The following RBFOX1 variants were observed in gnomAD, a reference collection of about 807,000 sequenced individuals.
The protein encoded by RBFOX1 is RNA binding fox-1 homolog 1, also known as RNA binding protein fox-1 homolog 1.
In RBFOX1, 8 loss-of-function variants were observed where a neutral mutation model predicts 57.7. That is an observed-to-expected ratio of 0.14 (90% CI 0.08 to 0.25). The LOEUF is 0.25. Among genes scored for constraint, RBFOX1 ranks in the 10% least tolerant of loss-of-function variants. RBFOX1 has a pLI of 1.00. For synonymous variants in RBFOX1, 326 were observed against 222.4 expected (o/e 1.47, Z -4.15); for missense variants, 611 against 548.5 (o/e 1.11, Z -1.14).
At chr16:5,917,154 C>A (rs958703402) in intron 4 of RBFOX1, among the ~76,000 whole-genome samples, 2 of 152,152 alleles carry the variant, frequency 1.3e-5, no homozygotes, top group African/African-American at 4.8e-5. Context: ...ACAACCGCTT[C>A]CTAAGCACCA....
intron 3 of RBFOX1, among the ~76,000 whole-genome samples, chr16:5,695,875 A>G (rs1156973027): frequency 6.6e-6 from 1 of 152,190 alleles, no homozygotes; most frequent in Non-Finnish European, 1.5e-5. Flanking sequence ...TTCACTATGC[A>G]TATATGTGTG....
intron 4 of RBFOX1, among the ~76,000 whole-genome samples, chr16:5,929,341 T>TCTGCCCACCACCC (rs2059000837): frequency 6.6e-6 from 1 of 152,110 alleles, no homozygotes; most frequent in Non-Finnish European, 1.5e-5. Flanking sequence ...TCTCTCTTTC[T>TCTGCCCACCACCC]CTGCCCACCA....
intron 1 of RBFOX1, among the ~76,000 whole-genome samples, chr16:5,314,013 A>G (rs779960085): frequency 6.6e-6 from 1 of 152,204 alleles, no homozygotes; most frequent in African/African-American, 2.4e-5. Flanking sequence ...TCCAAAGAAC[A>G]ACACGTAATA....
At chr16:6,788,473 TTTTA>T (rs1378253105) in intron 3 of RBFOX1, among the ~76,000 whole-genome samples, 2 of 151,600 alleles carry the variant, frequency 1.3e-5, no homozygotes, top group African/African-American at 4.8e-5. Context: ...TTTATTTATT[TTTTA>T]TTTTTTATTT....
chr16:6,331,590 G>A (rs1038778966), intron 2 of RBFOX1, among the ~76,000 whole-genome samples: 106 of 113,340 alleles, frequency 9.4e-4, no homozygotes, highest in African/African-American at 3.5e-3. Flanking sequence ...ATATATATAT[G>A]TGTGTGTATA....
intron 11 of RBFOX1, among the ~76,000 whole-genome samples, chr16:7,631,679 A>T (rs2060985836): frequency 1.3e-5 from 2 of 152,022 alleles, no homozygotes; most frequent in African/African-American, 4.8e-5. Context: ...AAAGGCAGGG[A>T]TGGGGAGGAG....
At chr16:6,690,206 A>G (rs2060006934) in intron 3 of RBFOX1, among the ~76,000 whole-genome samples, 3 of 152,198 alleles carry the variant, frequency 2.0e-5, no homozygotes, top group South Asian at 2.1e-4. Context: ...GCTAATTCAA[A>G]AAGAGTTTAC....
At chr16:5,495,105 G>T (rs910916896) in intron 2 of RBFOX1, among the ~76,000 whole-genome samples, 1 of 152,222 alleles carries the variant, frequency 6.6e-6, no homozygotes, top group African/African-American at 2.4e-5. Flanking sequence ...GCTGTGCATG[G>T]CTGAGGAGGC....
chr16:6,942,895 C>T (rs546457300), intron 3 of RBFOX1, among the ~76,000 whole-genome samples: 1 of 152,188 alleles, frequency 6.6e-6, no homozygotes, highest in Non-Finnish European at 1.5e-5. Flanking sequence ...TTGCAGTATA[C>T]AAAGTACACA....
At chr16:6,037,941 G>T (rs1216968044) in intron 1 of RBFOX1, 4 of 152,030 alleles carry the variant, frequency 2.6e-5, no homozygotes, top group Non-Finnish European at 5.9e-5. Context: ...AAGACTTGCA[G>T]TTTTGGTTCA....
At chr16:5,650,043 C>T (rs1259201951) in intron 3 of RBFOX1, among the ~76,000 whole-genome samples, 3 of 152,188 alleles carry the variant, frequency 2.0e-5, no homozygotes, top group African/African-American at 4.8e-5. Context: ...CATTGGCCGT[C>T]TGGGCTGCTT....
chr16:6,778,701 TTAAA>T (rs2079807769), intron 3 of RBFOX1, among the ~76,000 whole-genome samples: 1 of 152,042 alleles, frequency 6.6e-6, no homozygotes, highest in African/African-American at 2.4e-5. Context: ...CTTAGAATTC[TTAAA>T]TTAAAGAAAC....
intron 2 of RBFOX1, among the ~76,000 whole-genome samples, chr16:6,550,901 G>A (rs1431114797): frequency 2.0e-5 from 3 of 152,190 alleles, no homozygotes; most frequent in Non-Finnish European, 2.9e-5. Flanking sequence ...CTAAAGGAGG[G>A]TGTGAATACT....
At chr16:5,857,203 T>C (rs2057093306) in intron 3 of RBFOX1, among the ~76,000 whole-genome samples, 2 of 152,124 alleles carry the variant, frequency 1.3e-5, no homozygotes, top group Admixed American at 1.3e-4. Flanking sequence ...AACAGCTGGT[T>C]TGCGAAATAG....
chr16:5,984,480 C>G (rs2060242067), intron 4 of RBFOX1, among the ~76,000 whole-genome samples: 1 of 151,968 alleles, frequency 6.6e-6, no homozygotes, highest in African/African-American at 2.4e-5. Flanking sequence ...AGTGAACTGT[C>G]AAGTCCTGAG....
chr16:5,764,373 G>C (rs2053701682), intron 3 of RBFOX1, among the ~76,000 whole-genome samples: 1 of 152,220 alleles, frequency 6.6e-6, no homozygotes. Flanking sequence ...CAGAAGCTGA[G>C]TAGATGCCAG....
At chr16:7,348,316 C>T (rs146242065) in intron 4 of RBFOX1, among the ~76,000 whole-genome samples, 1 of 152,280 alleles carries the variant, frequency 6.6e-6, no homozygotes, top group African/African-American at 2.4e-5. Context: ...CTTATCTACT[C>T]TCATCGTATT....
intron 14 of RBFOX1, among the ~76,000 whole-genome samples, chr16:7,686,946 G>C (rs974173384): frequency 6.6e-6 from 1 of 152,078 alleles, no homozygotes; most frequent in African/African-American, 2.4e-5. Flanking sequence ...TGGTAGAATA[G>C]CCAAACTGGG....
At chr16:7,060,453 C>A (rs6500907) in intron 4 of RBFOX1, among the ~76,000 whole-genome samples, 105,418 of 152,062 alleles carry the variant, frequency 0.69, 37,619 homozygotes, top group East Asian at 0.91. Flanking sequence ...AAAACAAAAG[C>A]CTGAAGTTAT....
Sources: gnomAD v4.1 joint callset for allele counts (sites outside exome capture counted in the v4.1 genomes callset) on GRCh38, gnomAD v4.1.1 for gene constraint, MANE v1.5 for transcripts, NCBI Gene and HGNC (gene_info 2026-07-23, HGNC 2026-07-21) for gene names.